KANSL1: variants seen among roughly 807,000 people sequenced by gnomAD.
The protein encoded by KANSL1 is KAT8 regulatory NSL complex subunit 1, also known as MLL1/MLL complex subunit KANSL1.
In KANSL1, 22 loss-of-function variants were observed where a neutral mutation model predicts 103.6. The observed-to-expected ratio is 0.21, with a 90% CI of 0.15 to 0.30. The LOEUF is 0.30. KANSL1 is among the 10% of genes least tolerant of loss of function. The pLI, the probability that KANSL1 is intolerant of heterozygous loss-of-function variation, is 1.00. For missense variants in KANSL1, 1,337 were observed against 1,399.8 expected, an observed-to-expected ratio of 0.96 and a Z score of 0.72; for synonymous variants, 600 against 527.6, an observed-to-expected ratio of 1.14 and a Z score of -1.88.
chr17:46,041,062 A>C (rs1221453242), intron 7 of KANSL1: 1 of 152,242 alleles, frequency 6.6e-6, no homozygotes, highest in African/African-American at 2.4e-5. Context: ...AAAGTCTCAG[A>C]TGGAAATGAT....
chr17:46,107,726 T>C (rs1308066662), intron 2 of KANSL1, among the ~76,000 whole-genome samples: 1 of 152,208 alleles, frequency 6.6e-6, no homozygotes, highest in Non-Finnish European at 1.5e-5. Flanking sequence ...AACACTTCTA[T>C]TTGAATGTCT....
Position 46,120,779 on chromosome 17 carries a change from G to T in KANSL1, c.1290-26078C>A, listed in dbSNP as rs2043244321. 2.0e-5 allele frequency among the ~76,000 whole-genome samples: 3 copies of T among 152,168 alleles called. No homozygotes were observed. In the South Asian group the frequency reaches 6.2e-4, roughly 32 times the overall value. On this transcript the variant is annotated intron_variant, in intron 2 of 14. Coordinates refer to ENST00000432791, the MANE Select transcript of KANSL1 (RefSeq NM_015443.4). ...TTAACCAAAGTCCATTTACATCAAG[G>T]TTCGCTTTGTTTTGAATTTTGACAA...
intron 1 of KANSL1, among the ~76,000 whole-genome samples, chr17:46,210,664 T>C (rs972624152): frequency 1.1e-4 from 17 of 152,054 alleles, no homozygotes; most frequent in African/African-American, 4.1e-4. Flanking sequence ...TAATATATTG[T>C]ACAAAAAATA....
chr17:46,135,886 G>A (rs950947446), intron 2 of KANSL1, among the ~76,000 whole-genome samples: 30 of 151,962 alleles, frequency 2.0e-4, no homozygotes, highest in African/African-American at 7.3e-4. Context: ...AGAGCATGTA[G>A]AGCAAACTAG....
At chr17:46,142,937 GCA>G (rs2044499952) in intron 2 of KANSL1, among the ~76,000 whole-genome samples, 1 of 152,186 alleles carries the variant, frequency 6.6e-6, no homozygotes, top group East Asian at 1.9e-4. Flanking sequence ...CAAACAGCAA[GCA>G]TCAGAAAGTC....
chr17:46,158,390 C>T (rs2045547280), intron 2 of KANSL1, among the ~76,000 whole-genome samples: 2 of 148,436 alleles, frequency 1.3e-5, no homozygotes, highest in Non-Finnish European at 1.5e-5. Context: ...GAGACAGTCT[C>T]GCTCAGTCGC....
At chr17:46,219,054 A>G (rs2048430702) in intron 1 of KANSL1, among the ~76,000 whole-genome samples, 2 of 152,078 alleles carry the variant, frequency 1.3e-5, no homozygotes, top group Non-Finnish European at 2.9e-5. Context: ...TGAGGTCAGG[A>G]GTTTAAGACC....
At chr17:46,046,031 T>C (rs921379518) in intron 7 of KANSL1, 6 of 152,240 alleles carry the variant, frequency 3.9e-5, no homozygotes. Flanking sequence ...TGGCGCTGTC[T>C]GTAGCCAGAA....
Position 46,171,346 on chromosome 17 carries a change from T to C in KANSL1, c.798A>G (p.Lys266=), listed in dbSNP as rs765667414. 1.9e-6 allele frequency: 3 copies of C among 1,614,178 alleles called. No individual in the cohort carries two copies. Among genetic ancestry groups the C allele is most frequent in the South Asian group, 2.2e-5 (2 of 91,088 alleles). ...SNLGGVKLEG[K]KSPLSSILFS... Reference sequence around the variant, plus strand: ...AAAGAATGGAAGACAGGGGAGACTTTTTACCCTCCAATTTGACACCCCCCA... The same window carrying C: ...AAAGAATGGAAGACAGGGGAGACTTCTTACCCTCCAATTTGACACCCCCCA... The change falls in exon 2 of 15, where the codon AAA becomes AAG. Residue 266 remains lysine, a synonymous_variant. Transcript: ENST00000432791.
In KANSL1 at chr17:46,033,397, C is replaced by G. The variant is rs770946918; in HGVS notation, c.2724+6G>C. 1 of 1,613,822 alleles carries G rather than the reference C, an allele frequency of 6.2e-7. No homozygotes were observed. Among genetic ancestry groups the G allele is most frequent in the Non-Finnish European group, 8.5e-7 (1 of 1,179,740 alleles). On this transcript the variant is annotated splice_donor_region_variant and intron_variant, in intron 12 of 14. Coordinates refer to ENST00000432791, the MANE Select transcript of KANSL1 (RefSeq NM_015443.4). The stretch of plus-strand genomic sequence containing the variant: ...TGTTCTTCTAACAGAAGAACCAGGC[C>G]ATTACCTCTTCATTCTCCTCATCAG...
intron 3 of KANSL1, chr17:46,092,823 G>A (rs2079462717): frequency 6.7e-6 from 1 of 149,508 alleles, no homozygotes; most frequent in African/African-American, 2.5e-5. Flanking sequence ...CTCCCCACAT[G>A]TCAACAACTT....
intron 1 of KANSL1, among the ~76,000 whole-genome samples, chr17:46,187,962 A>G (rs2532243): frequency 0.14 from 21,958 of 152,260 alleles, 2,134 homozygotes; most frequent in Non-Finnish European, 0.22. Flanking sequence ...GAAAATGCTT[A>G]ATAAAAAAAA....
At chr17:46,123,353 G>A (rs1209049368) in intron 2 of KANSL1, among the ~76,000 whole-genome samples, 2 of 152,158 alleles carry the variant, frequency 1.3e-5, no homozygotes, top group Non-Finnish European at 1.5e-5. Context: ...CTCCAGCCTG[G>A]GCGGCAGAGC....
chr17:46,143,471 G>A lies in KANSL1; in HGVS notation c.1289+27384C>T, dbSNP rs187472209. 1.4e-4 allele frequency among the ~76,000 whole-genome samples: 21 copies of A among 152,038 alleles called. No individual in the cohort carries two copies. In the East Asian group the frequency reaches 3.9e-3, roughly 28 times the overall value. ...ATCACGCCATTGTGCTCCAGCCTGG[G>A]CAACAAGAGCAAAACTTCGTCTCAA... On this transcript the variant is annotated intron_variant, in intron 2 of 14. Coordinates refer to ENST00000432791, the MANE Select transcript of KANSL1 (RefSeq NM_015443.4).
chr17:46,102,863 T>A (rs1348683981), intron 2 of KANSL1, among the ~76,000 whole-genome samples: 2 of 152,216 alleles, frequency 1.3e-5, no homozygotes, highest in Admixed American at 1.3e-4. Flanking sequence ...AATAATCATA[T>A]AAAATATACG....
At chr17:46,163,588 AC>A (rs1387735700) in intron 2 of KANSL1, among the ~76,000 whole-genome samples, 1 of 152,110 alleles carries the variant, frequency 6.6e-6, no homozygotes, top group African/African-American at 2.4e-5. Context: ...CATTTTTAAG[AC>A]TCTAGTAAAG....
At chr17:46,098,804 C>G (rs56240678) in intron 2 of KANSL1, among the ~76,000 whole-genome samples, 21,676 of 152,038 alleles carry the variant, frequency 0.14, 2,123 homozygotes, top group Non-Finnish European at 0.22. Flanking sequence ...CTCAAACTCT[C>G]ATCATCTCCA....
In KANSL1 at chr17:46,146,550, G is replaced by GAC. The variant is rs1230819404; in HGVS notation, c.1289+24304_1289+24305insGT. Reference sequence around the variant, plus strand: ...CTGTATGTGTCTATCACAAGAAGTTGAGGCCGGGCGCGGTGGCTCACGCCT... The same window carrying GAC: ...CTGTATGTGTCTATCACAAGAAGTTGACAGGCCGGGCGCGGTGGCTCACGCCT... On this transcript the variant is annotated intron_variant, in intron 2 of 14. Transcript: ENST00000432791. 3.7e-3 allele frequency among the ~76,000 whole-genome samples: 551 copies of GAC among 147,616 alleles called. 31 individuals carry two copies. Among genetic ancestry groups the GAC allele is most frequent in the Middle Eastern group, 0.014 (4 of 282 alleles).
intron 1 of KANSL1, chr17:46,223,132 C>G (rs1432796707): frequency 1.3e-5 from 2 of 149,848 alleles, no homozygotes; most frequent in African/African-American, 5.0e-5. Flanking sequence ...AAATGTCACA[C>G]AAAGGACTGG....
Sources: gnomAD v4.1 joint callset for allele counts (sites outside exome capture counted in the v4.1 genomes callset) on GRCh38, gnomAD v4.1.1 for gene constraint, MANE v1.5 for transcripts, NCBI Gene and HGNC (gene_info 2026-07-23, HGNC 2026-07-21) for gene names.